ZBTB20: variants seen among roughly 807,000 people sequenced by gnomAD.
ZBTB20 encodes zinc finger and BTB domain containing 20, also known as zinc finger and BTB domain-containing protein 20.
Under a neutral mutation model 56.9 loss-of-function variants are expected in ZBTB20, and 9 were observed. That is an observed-to-expected ratio of 0.16 (90% CI 0.10 to 0.28). The LOEUF is 0.28. ZBTB20 is among the 10% of genes least tolerant of loss of function. The pLI is 1.00. For synonymous variants in ZBTB20, 417 were observed against 420.7 expected, an observed-to-expected ratio of 0.99 and a Z score of 0.11; for missense variants, 655 against 1,003.0, an observed-to-expected ratio of 0.65 and a Z score of 4.69.
At chr3:114,384,779 A>C (rs2084884767) in intron 8 of ZBTB20, among the ~76,000 whole-genome samples, 1 of 152,234 alleles carries the variant, frequency 6.6e-6, no homozygotes, top group Non-Finnish European at 1.5e-5. Flanking sequence ...TTTCCTAACT[A>C]GACCATATTG....
At chr3:114,800,750 A>AAAAATAAAATAAAAT (rs149193013) in intron 5 of ZBTB20, among the ~76,000 whole-genome samples, 21 of 142,332 alleles carry the variant, frequency 1.5e-4, no homozygotes, top group African/African-American at 5.1e-4. Flanking sequence ...TGAGACTAGT[A>AAAAATAAAATAAAAT]AAAATAAAAT....
intron 3 of ZBTB20, among the ~76,000 whole-genome samples, chr3:114,936,231 A>C (rs1316441438): frequency 6.6e-6 from 1 of 152,214 alleles, no homozygotes; most frequent in Non-Finnish European, 1.5e-5. Flanking sequence ...TTGGAAAAAC[A>C]CTGCAAACTC....
In ZBTB20 at chr3:115,122,072, C is replaced by T. The variant is rs936690453; in HGVS notation, c.-703+25147G>A. Among the ~76,000 whole-genome samples the T allele has an allele frequency of 3.9e-5, 6 of 152,020 alleles. No homozygotes were observed. In the East Asian group the frequency reaches 1.2e-3, roughly 29 times the overall value. On this transcript the variant is annotated intron_variant, in intron 1 of 11. Coordinates refer to ENST00000675478, the MANE Select transcript of ZBTB20 (RefSeq NM_001348800.3). Reference sequence around the variant, plus strand: ...CATACTGCAGTTTCCAGACTAAACACTTTAGCCAGAGACTATGAGAAGCAG... The same window carrying T: ...CATACTGCAGTTTCCAGACTAAACATTTTAGCCAGAGACTATGAGAAGCAG...
chr3:114,426,893 A>T (rs1324183601), intron 7 of ZBTB20, among the ~76,000 whole-genome samples: 1 of 152,226 alleles, frequency 6.6e-6, no homozygotes, highest in African/African-American at 2.4e-5. Context: ...AATACAGTTT[A>T]TTTATTGCCT....
At chr3:114,608,502 T>C (rs1289660137) in intron 6 of ZBTB20, among the ~76,000 whole-genome samples, 1 of 152,226 alleles carries the variant, frequency 6.6e-6, no homozygotes, top group Non-Finnish European at 1.5e-5. Context: ...GAGAAAACTT[T>C]GTACAATAGC....
intron 8 of ZBTB20, among the ~76,000 whole-genome samples, chr3:114,386,820 T>C (rs1454497509): frequency 6.6e-6 from 1 of 152,168 alleles, no homozygotes; most frequent in Non-Finnish European, 1.5e-5. Flanking sequence ...TTCTCTCTTA[T>C]ACTTTCAATT....
intron 1 of ZBTB20, among the ~76,000 whole-genome samples, chr3:115,146,438 G>A (rs2084976799): frequency 6.6e-6 from 1 of 152,186 alleles, no homozygotes; most frequent in South Asian, 2.1e-4. Flanking sequence ...GTGTACGAGA[G>A]ACGGCATTTG....
chr3:114,587,334 G>A (rs2055286322), intron 6 of ZBTB20, among the ~76,000 whole-genome samples: 1 of 152,084 alleles, frequency 6.6e-6, no homozygotes, highest in Non-Finnish European at 1.5e-5. Flanking sequence ...ATAACAGAAT[G>A]AGGCTTTGAA....
intron 5 of ZBTB20, among the ~76,000 whole-genome samples, chr3:114,779,644 C>T (rs954629640): frequency 6.6e-6 from 1 of 152,136 alleles, no homozygotes; most frequent in African/African-American, 2.4e-5. Context: ...AGCTAATAAT[C>T]TGTACTGTGC....
rs911262298 is a variant in ZBTB20, at chr3:114,503,099, A to G, written c.-294-2708T>C. On this transcript the variant is annotated intron_variant, in intron 6 of 11. Transcript: ENST00000675478. ...TTTTTGATGTGATCAAAAGAGATCA[A>G]TGTAAGTTGTACCCAAATTGACTAA... Among the ~76,000 whole-genome samples, 9 of 152,212 alleles carry G rather than the reference A, an allele frequency of 5.9e-5. No individual in the cohort carries two copies. The East Asian group carries it at 1.2e-3, about 20-fold the overall frequency.
At chr3:115,135,113 A>T (rs1247031910) in intron 1 of ZBTB20, among the ~76,000 whole-genome samples, 1 of 152,146 alleles carries the variant, frequency 6.6e-6, no homozygotes, top group African/African-American at 2.4e-5. Flanking sequence ...TCTCATATTT[A>T]CCCATGGACT....
chr3:114,711,385 C>A (rs979222521), intron 5 of ZBTB20, among the ~76,000 whole-genome samples: 1 of 152,150 alleles, frequency 6.6e-6, no homozygotes, highest in Admixed American at 6.5e-5. Context: ...ACTTATAAAT[C>A]TCATCCCAGT....
In ZBTB20 at chr3:114,557,116, A is replaced by T. The variant is rs571897948; in HGVS notation, c.-294-56725T>A. ...GTAGACAAATTAGGGAAGATTAACA[A>T]CCAGTTTTATTAGGAAGTAGCAGAT... On this transcript the variant is annotated intron_variant, in intron 6 of 11. Transcript: ENST00000675478. Among the ~76,000 whole-genome samples the T allele has an allele frequency of 2.0e-5, 3 of 152,110 alleles. No individual in the cohort carries two copies. The South Asian group carries it at 6.2e-4, about 32-fold the overall frequency.
chr3:114,503,839 C>T (rs2044283363), intron 6 of ZBTB20, among the ~76,000 whole-genome samples: 1 of 152,118 alleles, frequency 6.6e-6, no homozygotes, highest in African/African-American at 2.4e-5. Flanking sequence ...TTAATTATAA[C>T]TTTAAAGTCA....
intron 7 of ZBTB20, among the ~76,000 whole-genome samples, chr3:114,450,028 G>A (rs1243559034): frequency 6.6e-6 from 1 of 152,178 alleles, no homozygotes. Context: ...CTTACCCTAA[G>A]TGTAATGTGC....
At chr3:114,611,381 A>G (rs1266795676) in intron 6 of ZBTB20, among the ~76,000 whole-genome samples, 1 of 152,194 alleles carries the variant, frequency 6.6e-6, no homozygotes, top group East Asian at 1.9e-4. Context: ...AAACGGGAAC[A>G]CAGAAGAGTC....
At chr3:114,749,042 G>A (rs533025580) in intron 5 of ZBTB20, among the ~76,000 whole-genome samples, 2 of 152,198 alleles carry the variant, frequency 1.3e-5, no homozygotes, top group South Asian at 2.1e-4. Context: ...GGAGGCACTC[G>A]ATGAGAAGTC....
intron 6 of ZBTB20, among the ~76,000 whole-genome samples, chr3:114,545,932 G>A (rs1176706588): frequency 1.3e-5 from 2 of 152,060 alleles, no homozygotes; most frequent in Non-Finnish European, 2.9e-5. Context: ...TTTATTAGGT[G>A]GGCTAAAATA....
intron 6 of ZBTB20, among the ~76,000 whole-genome samples, chr3:114,549,836 T>C (rs1446570263): frequency 6.6e-6 from 1 of 152,074 alleles, no homozygotes; most frequent in African/African-American, 2.4e-5. Context: ...CCTGACATTT[T>C]ACTTGCTTGA....
Sources: gnomAD v4.1 joint callset for allele counts (sites outside exome capture counted in the v4.1 genomes callset) on GRCh38, gnomAD v4.1.1 for gene constraint, MANE v1.5 for transcripts, NCBI Gene and HGNC (gene_info 2026-07-23, HGNC 2026-07-21) for gene names.